Variants in ANKRD24 observed in about 807,000 individuals in gnomAD.
ANKRD24 encodes the protein ankyrin repeat domain-containing protein 24.
ANKRD24 carries 109 observed loss-of-function variants against 127.8 expected under a neutral mutation model. The observed-to-expected ratio is 0.85, with a 90% CI of 0.73 to 1.00. The LOEUF (loss-of-function observed/expected upper bound fraction) is 1.00, where lower values mean the gene tolerates loss of function less well. ANKRD24 is among the 50% of genes least tolerant of loss of function. The pLI, the probability that ANKRD24 is intolerant of heterozygous loss-of-function variation, is 0.00. For synonymous variants in ANKRD24, 743 were observed against 671.1 expected (o/e 1.11, Z -1.66); for missense variants, 1,648 against 1,570.2 (o/e 1.05, Z -0.84).
In ANKRD24 at chr19:4,210,316, C is replaced by T. The variant is rs371351586; in HGVS notation, c.1003C>T (p.Arg335Cys). 14 of 1,583,450 alleles carry T rather than the reference C, an allele frequency of 8.8e-6. No individual in the cohort carries two copies. The highest frequency in any genetic ancestry group is 2.3e-5 in the East Asian group (1 of 43,326). The change falls in exon 13 of 22, where the codon CGC becomes TGC. Residue 335 changes from arginine to cysteine, a missense_variant. By Grantham distance (180) the Arg-to-Cys change is radical (BLOSUM62 -3). Transcript: ENST00000318934. ...EIVRLRQERGRLLQKIRGLEQ... is the reference protein window; with the variant it reads ...EIVRLRQERGCLLQKIRGLEQ... ...CGTGAGGCTGCGGCAGGAGAGGGGCCGCCTCCTGCAGAAGATCCGGGGCCT... is the reference window on the plus strand; with the variant it reads ...CGTGAGGCTGCGGCAGGAGAGGGGCTGCCTCCTGCAGAAGATCCGGGGCCT...
rs1968871070 is a variant in ANKRD24, at chr19:4,198,237, C to A, written c.37-1446C>A. 1 of 504,260 alleles carries A rather than the reference C, an allele frequency of 2.0e-6. No individual in the cohort carries two copies. The allele number at this position is 504,260 out of a possible 1,614,324, so 31.2% of individuals were successfully genotyped here. On this transcript the variant is annotated intron_variant, in intron 2 of 21. Coordinates refer to ENST00000318934, the MANE Select transcript of ANKRD24 (RefSeq NM_001393985.1). The surrounding 1 kb of genome is among the most constrained non-coding windows in gnomAD (Gnocchi z 6.1). ...AAGGTCAGGAGGGGCCGGGGCGGCG[C>A]CCCTTCCCTCAGCCCCCAGCCCCCA...
chr19:4,217,078 G>T lies in ANKRD24; in HGVS notation c.1918G>T (p.Val640Leu). 6.2e-7 allele frequency: 1 copy of T among 1,613,836 alleles called. No individual in the cohort carries two copies. The highest frequency in any genetic ancestry group is 8.5e-7 in the Non-Finnish European group (1 of 1,179,870). Residue 640 changes from valine (V) to leucine (L), a missense_variant, in exon 18 of 22, where the codon GTG becomes TTG. By Grantham distance (32) the Val-to-Leu change is conservative (BLOSUM62 1). Coordinates refer to ENST00000318934, the MANE Select transcript of ANKRD24 (RefSeq NM_001393985.1). ...GACCACGGGAGTGGAGGCCATGGGG[G>T]TGGAGGCCACAAAAACAAAAGCAGA... The part of the protein sequence containing the change: ...TETTGVEAMG[V>L]EATKTKAEEA...
chr19:4,193,850 A>AGGAAGGAAGGAT (rs1968535779), intron 2 of ANKRD24, among the ~76,000 whole-genome samples: 5 of 38,404 alleles, frequency 1.3e-4, no homozygotes, highest in African/African-American at 5.4e-4. Flanking sequence ...GGAGGGAGGA[A>AGGAAGGAAGGAT]GGAAGGAAGG....
rs572164584 is a variant in ANKRD24 at position 4,216,325 on chromosome 19, C to T, written c.1312C>T (p.Gln438Ter). The change falls in exon 17 of 22, where the codon CAG becomes TAG. Residue 438 changes from glutamine to a stop codon, truncating the protein, a stop_gained. Transcript: ENST00000318934. LOFTEE classifies it high-confidence loss of function. ...GTCCAGACAACTCAGTCCGTCGGCC[C>T]AGGAACACCTGGCCTCGCTGCAGGA... ...LLSRQLSPSA[Q>*]EHLASLQEQV... is the part of the protein sequence containing the mutation. 5.1e-6 allele frequency: 8 copies of T among 1,565,684 alleles called. No individual in the cohort carries two copies. Among genetic ancestry groups the T allele is most frequent in the Non-Finnish European group, 6.9e-6 (8 of 1,155,342 alleles).
rs987682979 is a variant in ANKRD24 at position 4,195,777 on chromosome 19, C to T, written c.37-3906C>T. ...GGCGTGGTGGCGTGTGCCTGTAATC[C>T]CAGCTACTCGGGAAGCTGAAGCAGG... On this transcript the variant is annotated intron_variant, in intron 2 of 21. Transcript: ENST00000318934. The surrounding 1 kb of genome is among the most constrained non-coding windows in gnomAD (Gnocchi z 4.2). Among the ~76,000 whole-genome samples, 3 of 152,104 alleles carry T rather than the reference C, an allele frequency of 2.0e-5. No homozygotes were observed. The highest frequency in any genetic ancestry group is 4.8e-5 in the African/African-American group (2 of 41,400).
chr19:4,190,957 C>T (rs1968350841), intron 2 of ANKRD24, among the ~76,000 whole-genome samples: 1 of 152,132 alleles, frequency 6.6e-6, no homozygotes, highest in Admixed American at 6.6e-5. Context: ...AGAGATACCT[C>T]ATTCGGGATG....
At chr19:4,204,010 C>T (rs1260025083) in intron 7 of ANKRD24, among the ~76,000 whole-genome samples, 2 of 122,100 alleles carry the variant, frequency 1.6e-5, no homozygotes, top group South Asian at 5.7e-4. Context: ...GTCACCCAGG[C>T]TGGAGTGCAG....
At chr19:4,210,462 T>G in intron 13 of ANKRD24, 90 bp downstream of exon 13, 1 of 1,186,040 alleles carries the variant, frequency 8.4e-7, no homozygotes, top group Middle Eastern at 2.1e-4. Flanking sequence ...CCACCTTCCC[T>G]CCTCCATCTC....
chr19:4,207,329 T>G lies in ANKRD24; in HGVS notation c.537+17T>G. ...CAAGATCGGGTAAGCTTCTGGGATC[T>G]CTTCAGGGAAGATGTTATGCTTGAG... is the stretch of plus-strand genomic sequence containing the variant. On this transcript the variant is annotated intron_variant, in intron 8 of 21. Transcript: ENST00000318934. 1 of 1,612,092 alleles carries G rather than the reference T, an allele frequency of 6.2e-7. No homozygotes were observed. The highest frequency in any genetic ancestry group is 8.5e-7 in the Non-Finnish European group (1 of 1,178,198).
At chr19:4,216,076 C>G in intron 16 of ANKRD24, 26 bp downstream of exon 16, 1 of 1,570,780 alleles carries the variant, frequency 6.4e-7, no homozygotes. Context: ...CCCACGCACT[C>G]CCAGCCGCCT....
intron 15 of ANKRD24, among the ~76,000 whole-genome samples, chr19:4,215,602 GA>G (rs35812357): frequency 7.4e-5 from 10 of 135,464 alleles, no homozygotes; most frequent in African/African-American, 2.3e-4. Context: ...CCGCATCTCT[GA>G]AAAAAAAAAA....
chr19:4,219,516 G>A (rs1296671224), intron 18 of ANKRD24, 75 bp from the exon 19 acceptor site: 13 of 1,487,898 alleles, frequency 8.7e-6, no homozygotes, highest in Middle Eastern at 1.8e-4. Flanking sequence ...AAAGTAGAAG[G>A]ATCATATGAA....
rs929953314 is a variant in ANKRD24, at chr19:4,224,197, G to A, written c.3363+5G>A. ...CACCTCCTATATGCCATTCAGGTGA[G>A]TGGCCCAGCTCCTGGGTACCCGGTG... On this transcript the variant is annotated splice_donor_5th_base_variant and intron_variant, in intron 21 of 21. Transcript: ENST00000318934. 2.5e-6 allele frequency: 4 copies of A among 1,608,800 alleles called. No individual in the cohort carries two copies. Among genetic ancestry groups the A allele is most frequent in the Non-Finnish European group, 3.4e-6 (4 of 1,177,742 alleles).
intron 7 of ANKRD24, among the ~76,000 whole-genome samples, chr19:4,204,975 C>T (rs1402536040): frequency 1.3e-5 from 2 of 152,076 alleles, no homozygotes; most frequent in African/African-American, 4.8e-5. Context: ...CAGTGGCTCA[C>T]GCCTATAATC....
At chr19:4,188,872 A>G (rs1444853096) in intron 2 of ANKRD24, among the ~76,000 whole-genome samples, 1 of 152,118 alleles carries the variant, frequency 6.6e-6, no homozygotes, top group Non-Finnish European at 1.5e-5. Context: ...CAGTGGCACG[A>G]TCTCTGCTCA....
chr19:4,197,668 A>AATGAATGGGTGAGCCC (rs1968825345), intron 2 of ANKRD24, among the ~76,000 whole-genome samples: 1 of 152,184 alleles, frequency 6.6e-6, no homozygotes. Context: ...TGAATGAATG[A>AATGAATGGGTGAGCCC]ATGAATGGGT....
chr19:4,193,241 G>T (rs1461369518), intron 2 of ANKRD24, among the ~76,000 whole-genome samples: 2 of 144,786 alleles, frequency 1.4e-5, no homozygotes, highest in Non-Finnish European at 3.0e-5. Context: ...GGCAGGGGTT[G>T]CAGTGAGCCG....
rs1969656738 is a variant in ANKRD24, at chr19:4,210,439, C to T, written c.1059+67C>T. 3.8e-6 allele frequency: 5 copies of T among 1,326,306 alleles called. No homozygotes were observed. In the African/African-American group the frequency reaches 4.5e-5, roughly 12 times the overall value. 82.2% of individuals were successfully genotyped at this position (1,326,306 alleles called of 1,614,324 possible). A position where few individuals can be genotyped will look rare whatever the true frequency, so the allele number is the denominator to read the frequency against. On this transcript the variant is annotated intron_variant, in intron 13 of 21. Transcript: ENST00000318934. ...GGGGTCAATGCAGGCATGAAGATCC[C>T]CCTACTTTTCTCCCACCTTCCCTCC...
Position 4,214,075 on chromosome 19 carries a change from C to T in ANKRD24, c.1197+1377C>T, listed in dbSNP as rs115492927. Among the ~76,000 whole-genome samples, 846 of 152,348 alleles carry T rather than the reference C, an allele frequency of 5.6e-3. 9 individuals carry two copies. The highest frequency in any genetic ancestry group is 0.017 in the African/African-American group (716 of 41,570). ...ACACGCAAGAAACAACGTCCAAGAA[C>T]ACATCATCACACACGCATGCATTGC... On this transcript the variant is annotated intron_variant, in intron 15 of 21. Coordinates refer to ENST00000318934, the MANE Select transcript of ANKRD24 (RefSeq NM_001393985.1).
Sources: allele counts gnomAD v4.1 joint callset (sites outside exome capture counted in the v4.1 genomes callset), GRCh38; gene constraint gnomAD v4.1.1; non-coding constraint Gnocchi (gnomAD v3.1); transcripts MANE v1.5; gene names NCBI Gene and HGNC (gene_info 2026-07-23, HGNC 2026-07-21).